Variants in DOK6 observed in about 807,000 individuals in gnomAD.
DOK6 encodes the protein docking protein 6.
Under a neutral mutation model 44.0 loss-of-function variants are expected in DOK6, and 22 were observed. The ratio of observed to expected loss-of-function variants is 0.50; its 90% CI spans 0.36 to 0.71. The LOEUF is 0.71. DOK6 is among the 30% of genes least tolerant of loss of function. The probability of loss-of-function intolerance (pLI) is 0.00; values close to 1 mark genes in which losing one functional copy is unlikely to be tolerated. For synonymous variants in DOK6, 166 were observed against 145.5 expected (o/e 1.14, Z -1.01); for missense variants, 340 against 416.4 (o/e 0.82, Z 1.60).
chr18:69,439,183 A>T (rs1043847859), intron 1 of DOK6, among the ~76,000 whole-genome samples: 1 of 152,218 alleles, frequency 6.6e-6, no homozygotes, highest in Non-Finnish European at 1.5e-5. Context: ...TCTAAGCAGT[A>T]GGTCTCAACA....
intron 1 of DOK6, among the ~76,000 whole-genome samples, chr18:69,466,029 A>T (rs963947408): frequency 6.6e-6 from 1 of 152,206 alleles, no homozygotes; most frequent in African/African-American, 2.4e-5. Flanking sequence ...TTGTGAGAAC[A>T]TCTAAGATCC....
Position 69,564,568 on chromosome 18 carries a change from G to A in DOK6, c.148G>A (p.Ala50Thr), listed in dbSNP as rs764446924. The stretch of plus-strand genomic sequence containing the variant: ...GTTAGAAAAATTTCCAGATGAAAAG[G>A]CAGCTTATTTCAGAAACTTTCATAA... ...RRLEKFPDEK[A>T]AYFRNFHKVT... Residue 50 changes from alanine (A) to threonine (T), a missense_variant, in exon 2 of 8, where the codon GCA becomes ACA. Physicochemically the swap from Ala to Thr is moderately conservative, Grantham distance 58. Transcript: ENST00000382713. 3 of 1,613,692 alleles carry A rather than the reference G, an allele frequency of 1.9e-6. No individual in the cohort carries two copies. The highest frequency in any genetic ancestry group is 1.3e-5 in the African/African-American group (1 of 75,024).
At chr18:69,789,742 C>A (rs1345084929) in intron 7 of DOK6, among the ~76,000 whole-genome samples, 1 of 152,026 alleles carries the variant, frequency 6.6e-6, no homozygotes, top group Non-Finnish European at 1.5e-5. Context: ...CTAGTTTTTT[C>A]CAAACCTGTC....
At chr18:69,585,690 T>C (rs912137116) in intron 2 of DOK6, among the ~76,000 whole-genome samples, 1 of 152,230 alleles carries the variant, frequency 6.6e-6, no homozygotes, top group East Asian at 1.9e-4. Flanking sequence ...GTTAGGGTTG[T>C]GTGTAGGGAT....
chr18:69,448,303 G>A (rs1025504085), intron 1 of DOK6, among the ~76,000 whole-genome samples: 36 of 152,158 alleles, frequency 2.4e-4, no homozygotes, highest in African/African-American at 8.7e-4. Context: ...TGCAAGGAGG[G>A]TTGGGCTGGC....
At chr18:69,418,707 A>G (rs139152173) in intron 1 of DOK6, among the ~76,000 whole-genome samples, 8 of 152,028 alleles carry the variant, frequency 5.3e-5, no homozygotes, top group African/African-American at 1.9e-4. Context: ...CCTAGCCTTA[A>G]GCAATCCTCC....
chr18:69,584,603 T>G (rs1465535100), intron 2 of DOK6, among the ~76,000 whole-genome samples: 2 of 152,116 alleles, frequency 1.3e-5, no homozygotes, highest in Non-Finnish European at 2.9e-5. Context: ...ATATCTGGTT[T>G]TTGCATCAAT....
chr18:69,618,666 C>T (rs1419734395), intron 3 of DOK6: 5 of 152,290 alleles, frequency 3.3e-5, no homozygotes, highest in Non-Finnish European at 7.3e-5. Context: ...ACCATCAGGT[C>T]TCATGAGAGT....
At chr18:69,757,365 T>C (rs1312979095) in intron 6 of DOK6, among the ~76,000 whole-genome samples, 1 of 152,256 alleles carries the variant, frequency 6.6e-6, no homozygotes, top group African/African-American at 2.4e-5. Context: ...TTTACTTTTT[T>C]AGTTATTTTA....
chr18:69,573,387 G>T (rs1297082145), intron 2 of DOK6, among the ~76,000 whole-genome samples: 4 of 151,878 alleles, frequency 2.6e-5, no homozygotes. Context: ...TTGTAACTGT[G>T]TTCAGTAGAT....
chr18:69,675,034 C>T (rs9636022), intron 3 of DOK6, among the ~76,000 whole-genome samples: 66,189 of 151,874 alleles, frequency 0.44, 15,010 homozygotes, highest in East Asian at 0.74. Flanking sequence ...CTTGCTATTC[C>T]TATTCTTATA....
chr18:69,556,184 C>T (rs1367853425), intron 1 of DOK6, among the ~76,000 whole-genome samples: 1 of 152,150 alleles, frequency 6.6e-6, no homozygotes, highest in African/African-American at 2.4e-5. Context: ...CCTTCCTGAC[C>T]TGGCTTGTCC....
At chr18:69,599,640 A>G (rs1983827664) in intron 3 of DOK6, 142 bp downstream of exon 3, 7 of 628,484 alleles carry the variant, frequency 1.1e-5, no homozygotes, top group South Asian at 8.6e-5. Flanking sequence ...CAGAAGCTCA[A>G]CGTATTGATT....
chr18:69,599,161 A>G (rs1983814113), intron 2 of DOK6, among the ~76,000 whole-genome samples: 2 of 152,096 alleles, frequency 1.3e-5, no homozygotes, highest in Admixed American at 1.3e-4. Context: ...TGTGTAGGTC[A>G]TTTCAAAATG....
At chr18:69,479,074 G>C (rs1980347393) in intron 1 of DOK6, among the ~76,000 whole-genome samples, 1 of 147,158 alleles carries the variant, frequency 6.8e-6, no homozygotes, top group South Asian at 2.1e-4. Context: ...AAGGATGCTT[G>C]CATTGGGAGG....
At chr18:69,509,362 G>C (rs1568280359) in intron 1 of DOK6, among the ~76,000 whole-genome samples, 1 of 152,158 alleles carries the variant, frequency 6.6e-6, no homozygotes, top group Non-Finnish European at 1.5e-5. Context: ...ATATGGCCGG[G>C]CGCGGTGGTT....
chr18:69,475,667 G>T (rs1980239795), intron 1 of DOK6, among the ~76,000 whole-genome samples: 2 of 152,052 alleles, frequency 1.3e-5, no homozygotes, highest in South Asian at 4.2e-4. Flanking sequence ...AAAATTCATT[G>T]TTCACTTTAT....
intron 4 of DOK6, among the ~76,000 whole-genome samples, chr18:69,693,697 G>A (rs1013049615): frequency 2.6e-5 from 4 of 152,030 alleles, no homozygotes; most frequent in African/African-American, 9.7e-5. Context: ...AGGCAACTGC[G>A]AGATCCACTT....
chr18:69,474,232 C>G (rs1285701475), intron 1 of DOK6, among the ~76,000 whole-genome samples: 4 of 151,942 alleles, frequency 2.6e-5, no homozygotes, highest in African/African-American at 9.7e-5. Flanking sequence ...GTCTTCTTTC[C>G]TCTCCTTTCT....
Sources: gnomAD v4.1 joint callset for allele counts (sites outside exome capture counted in the v4.1 genomes callset) on GRCh38, gnomAD v4.1.1 for gene constraint, MANE v1.5 for transcripts, NCBI Gene and HGNC (gene_info 2026-07-23, HGNC 2026-07-21) for gene names.